Variants in IGF2BP2 observed in about 807,000 individuals in gnomAD.
The protein encoded by IGF2BP2 is insulin like growth factor 2 mRNA binding protein 2.
Under a neutral mutation model 75.8 loss-of-function variants are expected in IGF2BP2, and 17 were observed. The ratio of observed to expected loss-of-function variants is 0.22; its 90% CI spans 0.15 to 0.34. The LOEUF is 0.34. IGF2BP2 is among the 10% of genes least tolerant of loss of function. The pLI, the probability that IGF2BP2 is intolerant of heterozygous loss-of-function variation, is 1.00. For missense variants in IGF2BP2, 516 were observed against 772.4 expected, an observed-to-expected ratio of 0.67 and a Z score of 3.93; for synonymous variants, 288 against 295.6, an observed-to-expected ratio of 0.97 and a Z score of 0.26.
chr3:185,649,321 C>T (rs1478889579), intron 14 of IGF2BP2, 82 bp downstream of exon 14: 31 of 1,558,778 alleles, frequency 2.0e-5, no homozygotes, highest in African/African-American at 5.4e-5. Context: ...CAGAAGGCGC[C>T]AAGGGGAGAC....
intron 2 of IGF2BP2, among the ~76,000 whole-genome samples, chr3:185,725,421 C>G (rs1047225396): frequency 6.6e-5 from 10 of 152,028 alleles, no homozygotes; most frequent in African/African-American, 2.4e-4. Context: ...TGATGCAAAC[C>G]TGAATATTAG....
chr3:185,658,207 G>T, intron 11 of IGF2BP2, 134 bp downstream of exon 11: 1 of 852,012 alleles, frequency 1.2e-6, no homozygotes, highest in Non-Finnish European at 1.9e-6. Flanking sequence ...AGGCTTTGAG[G>T]TGTGTCACTC....
At chr3:185,756,700 G>A (rs1003915682) in intron 2 of IGF2BP2, among the ~76,000 whole-genome samples, 19 of 152,158 alleles carry the variant, frequency 1.2e-4, no homozygotes, top group African/African-American at 3.6e-4. Context: ...GTGGCCGGGC[G>A]TGGTGGCTCA....
At chr3:185,669,577 G>A (rs1035812767) in intron 10 of IGF2BP2, among the ~76,000 whole-genome samples, 5 of 147,156 alleles carry the variant, frequency 3.4e-5, no homozygotes, top group African/African-American at 1.2e-4. Context: ...AAAAAAAAGG[G>A]GGGGGGGTAA....
chr3:185,758,904 G>T (rs1731986572), intron 2 of IGF2BP2, among the ~76,000 whole-genome samples: 1 of 152,164 alleles, frequency 6.6e-6, no homozygotes, highest in Admixed American at 6.5e-5. Context: ...AGATTTAACT[G>T]CAGTCCTTTA....
Position 185,719,861 on chromosome 3 carries a change from G to A in IGF2BP2, c.240-21514C>T, listed in dbSNP as rs916901629. On this transcript the variant is annotated intron_variant, in intron 2 of 15. Coordinates refer to ENST00000382199, the MANE Select transcript of IGF2BP2 (RefSeq NM_006548.6). ...AAAAGAAAGGAAGGAAGGAAAGGAA[G>A]GAAAGGAAGGAAGGAAGAAAAGTTG... Among the ~76,000 whole-genome samples the A allele has an allele frequency of 7.9e-5, 12 of 151,706 alleles. 1 individual carries two copies. The highest frequency in any genetic ancestry group is 1.3e-4 in the Non-Finnish European group (9 of 67,862).
chr3:185,689,139 C>T, intron 6 of IGF2BP2: 2 of 570,690 alleles, frequency 3.5e-6, no homozygotes, highest in Non-Finnish European at 6.1e-6. Flanking sequence ...GTTATCAGTA[C>T]CCTCTTTATG....
intron 6 of IGF2BP2, among the ~76,000 whole-genome samples, chr3:185,688,643 G>A (rs1721486539): frequency 6.6e-6 from 1 of 152,154 alleles, no homozygotes; most frequent in African/African-American, 2.4e-5. Flanking sequence ...GTAATACAGA[G>A]GGTGCCCAGC....
At chr3:185,752,693 G>A (rs1487161592) in intron 2 of IGF2BP2, among the ~76,000 whole-genome samples, 3 of 151,984 alleles carry the variant, frequency 2.0e-5, no homozygotes, top group African/African-American at 2.4e-5. Flanking sequence ...GGGTTCAAGC[G>A]ATTCTCCTGT....
At chr3:185,740,699 T>C (rs901888224) in intron 2 of IGF2BP2, among the ~76,000 whole-genome samples, 4 of 152,104 alleles carry the variant, frequency 2.6e-5, no homozygotes, top group Non-Finnish European at 4.4e-5. Context: ...CTCAGAACCA[T>C]AGGTGTCTTA....
intron 2 of IGF2BP2, among the ~76,000 whole-genome samples, chr3:185,723,096 T>C (rs1269202375): frequency 6.6e-6 from 1 of 152,222 alleles, no homozygotes; most frequent in Non-Finnish European, 1.5e-5. Flanking sequence ...CAGAGACTTT[T>C]ACGTCTTCAG....
intron 2 of IGF2BP2, among the ~76,000 whole-genome samples, chr3:185,763,640 G>C (rs1732667248): frequency 6.6e-6 from 1 of 152,132 alleles, no homozygotes; most frequent in African/African-American, 2.4e-5. Flanking sequence ...ATCCAGAATG[G>C]AGATAAGACA....
chr3:185,754,777 G>A (rs1205278384), intron 2 of IGF2BP2, among the ~76,000 whole-genome samples: 2 of 152,212 alleles, frequency 1.3e-5, no homozygotes, highest in African/African-American at 4.8e-5. Flanking sequence ...ATGTCCTAGG[G>A]ATACGTGGAA....
intron 2 of IGF2BP2, among the ~76,000 whole-genome samples, chr3:185,726,792 G>A (rs1727390943): frequency 2.0e-5 from 3 of 152,154 alleles, no homozygotes; most frequent in Non-Finnish European, 4.4e-5. Context: ...TCTTTGATCT[G>A]TAATACAGAA....
intron 12 of IGF2BP2, among the ~76,000 whole-genome samples, chr3:185,655,173 C>T (rs1715236480): frequency 6.6e-6 from 1 of 152,154 alleles, no homozygotes; most frequent in South Asian, 2.1e-4. Flanking sequence ...GCCCTGTCAC[C>T]AAGGCTGGAG....
chr3:185,786,969 C>CT (rs1435858755), intron 2 of IGF2BP2, among the ~76,000 whole-genome samples: 1 of 152,050 alleles, frequency 6.6e-6, no homozygotes, highest in African/African-American at 2.4e-5. Flanking sequence ...AAAAGCCTTT[C>CT]TTAGTTCAAG....
rs1339275653 is a variant in IGF2BP2 at position 185,643,765 on chromosome 3, TTTTC to T, written c.*1762_*1765del. On this transcript the variant is annotated 3_prime_UTR_variant, in exon 16 of 16. Coordinates refer to ENST00000382199, the MANE Select transcript of IGF2BP2 (RefSeq NM_006548.6). ...CTTGTTAGCTGGATATATTTCTGTT[TTTTC>T]TTTTTTTTTCTTTTTTTTTTTTTTT... 4 of 140,326 alleles carry T rather than the reference TTTTC, an allele frequency of 2.9e-5. No homozygotes were observed. The highest frequency in any genetic ancestry group is 8.5e-5 in the African/African-American group (3 of 35,296). The allele number at this position is 140,326 out of a possible 1,614,324, so 8.7% of individuals were successfully genotyped here.
chr3:185,681,169 A>G (rs1374355032), intron 7 of IGF2BP2, among the ~76,000 whole-genome samples: 1 of 152,246 alleles, frequency 6.6e-6, no homozygotes, highest in East Asian at 1.9e-4. Flanking sequence ...TTCACAGATG[A>G]CACGATTTTA....
chr3:185,665,406 G>A (rs1717275787), intron 10 of IGF2BP2, among the ~76,000 whole-genome samples: 1 of 105,306 alleles, frequency 9.5e-6, no homozygotes, highest in Non-Finnish European at 2.0e-5. Flanking sequence ...AGGAGGAGAA[G>A]GAAAAGGAGG....
Sources: gnomAD v4.1 joint callset for allele counts (sites outside exome capture counted in the v4.1 genomes callset) on GRCh38, gnomAD v4.1.1 for gene constraint, MANE v1.5 for transcripts, NCBI Gene and HGNC (gene_info 2026-07-23, HGNC 2026-07-21) for gene names.